COL19A1: variants seen among roughly 807,000 people sequenced by gnomAD.
COL19A1 encodes collagen type XIX alpha 1 chain.
A neutral mutation model predicts 190.2 loss-of-function variants in COL19A1; 159 were observed. That is an observed-to-expected ratio of 0.84 (90% CI 0.73 to 0.95). COL19A1 has a LOEUF of 0.95. Among genes scored for constraint, COL19A1 ranks in the 40% least tolerant of loss-of-function variants. COL19A1 has a pLI of 0.00. For synonymous variants in COL19A1, 509 were observed against 458.9 expected, an observed-to-expected ratio of 1.11 and a Z score of -1.39; for missense variants, 1,418 against 1,431.9, an observed-to-expected ratio of 0.99 and a Z score of 0.16.
chr6:69,999,202 C>T (rs1464665630), intron 11 of COL19A1, among the ~76,000 whole-genome samples: 1 of 149,500 alleles, frequency 6.7e-6, no homozygotes, highest in Non-Finnish European at 1.5e-5. Context: ...GGATTACAGG[C>T]GTGAGCCACC....
chr6:69,948,422 G>A (rs1271333781), intron 9 of COL19A1, among the ~76,000 whole-genome samples: 1 of 151,792 alleles, frequency 6.6e-6, no homozygotes, highest in East Asian at 1.9e-4. Flanking sequence ...GGATCCTTAT[G>A]TATGACAACC....
intron 1 of COL19A1, among the ~76,000 whole-genome samples, chr6:69,874,140 A>G (rs1160841305): frequency 1.3e-5 from 2 of 152,278 alleles, no homozygotes; most frequent in South Asian, 2.1e-4. Flanking sequence ...CAGGGAAGGT[A>G]CCAGAGATGT....
intron 36 of COL19A1, among the ~76,000 whole-genome samples, chr6:70,164,278 A>T (rs1433120484): frequency 2.0e-5 from 3 of 152,126 alleles, no homozygotes; most frequent in Non-Finnish European, 4.4e-5. Flanking sequence ...CCCATTTAAG[A>T]TCTAAACTGG....
Position 70,181,128 on chromosome 6 carries a change from C to G in COL19A1, c.2775+605C>G, listed in dbSNP as rs1018422137. Among the ~76,000 whole-genome samples, 19 of 152,262 alleles carry G rather than the reference C, an allele frequency of 1.2e-4. No individual in the cohort carries two copies. In the East Asian group the frequency reaches 3.7e-3, roughly 29 times the overall value. ...TGTGCTGGGCCCTTAGGGAGGGGATCTAAGATGAATAAGACAGATCTCACT... is the reference window on the plus strand; with the variant it reads ...TGTGCTGGGCCCTTAGGGAGGGGATGTAAGATGAATAAGACAGATCTCACT... On this transcript the variant is annotated intron_variant, in intron 44 of 50. Coordinates refer to ENST00000620364, the MANE Select transcript of COL19A1 (RefSeq NM_001858.6).
chr6:70,067,318 G>T (rs945750826), intron 14 of COL19A1, among the ~76,000 whole-genome samples: 1 of 152,112 alleles, frequency 6.6e-6, no homozygotes, highest in Admixed American at 6.6e-5. Flanking sequence ...AACGTATCTT[G>T]TAGATAAAGC....
chr6:69,959,981 G>T lies in COL19A1; in HGVS notation c.937-15G>T. On this transcript the variant is annotated splice_polypyrimidine_tract_variant and intron_variant, in intron 9 of 50. Transcript: ENST00000620364. The stretch of plus-strand genomic sequence containing the variant: ...CTTTATGGATCATAAACATTATTCT[G>T]TGTACTTCTTTTAGGGTGAAAATGG... The T allele has an allele frequency of 6.2e-7, 1 of 1,611,854 alleles. No individual in the cohort carries two copies. Among genetic ancestry groups the T allele is most frequent in the South Asian group, 1.1e-5 (1 of 90,670 alleles).
At chr6:69,891,063 G>T (rs1350090473) in intron 2 of COL19A1, 2 of 334,130 alleles carry the variant, frequency 6.0e-6, no homozygotes, top group African/African-American at 2.1e-5. Flanking sequence ...GAGTTTGATG[G>T]CCTGAAGGCA....
rs777857460 is a variant in COL19A1 at position 70,130,275 on chromosome 6, G to T, written c.1383+52G>T. 7.3e-5 allele frequency: 108 copies of T among 1,474,998 alleles called. 1 individual carries two copies. The South Asian group carries it at 1.1e-3, about 15-fold the overall frequency. 91.4% of individuals were successfully genotyped at this position (1,474,998 alleles called of 1,614,324 possible). On this transcript the variant is annotated intron_variant, in intron 18 of 50. Transcript: ENST00000620364. ...GAGTCTTGCTCTGTTGCCCAGGCTG[G>T]AGTGCAGTGGCACAATCTTGGCTCA...
intron 44 of COL19A1, among the ~76,000 whole-genome samples, chr6:70,182,768 A>T (rs576542068): frequency 1.7e-4 from 26 of 152,328 alleles, no homozygotes; most frequent in African/African-American, 6.0e-4. Flanking sequence ...GGGAGAGATC[A>T]CCACATGTTA....
At chr6:69,933,794 T>C (rs1244663129) in intron 7 of COL19A1, among the ~76,000 whole-genome samples, 1 of 152,066 alleles carries the variant, frequency 6.6e-6, no homozygotes, top group African/African-American at 2.4e-5. Context: ...TGATAAACTT[T>C]TTTATTCCTA....
intron 15 of COL19A1, among the ~76,000 whole-genome samples, chr6:70,075,799 A>G (rs1781849540): frequency 6.6e-6 from 1 of 152,202 alleles, no homozygotes; most frequent in African/African-American, 2.4e-5. Flanking sequence ...AATTGTAAGC[A>G]ATGATTTTGT....
chr6:70,088,774 T>C (rs1435939336), intron 15 of COL19A1, among the ~76,000 whole-genome samples: 1 of 152,178 alleles, frequency 6.6e-6, no homozygotes, highest in Non-Finnish European at 1.5e-5. Context: ...CTCTTTACTC[T>C]CCAACATCCA....
At chr6:70,143,708 G>A (rs1421666936) in intron 23 of COL19A1, among the ~76,000 whole-genome samples, 1 of 151,752 alleles carries the variant, frequency 6.6e-6, no homozygotes, top group African/African-American at 2.4e-5. Flanking sequence ...CAAGTAATGG[G>A]CCACTGTAGA....
At chr6:70,095,030 C>G (rs1783159248) in intron 15 of COL19A1, among the ~76,000 whole-genome samples, 2 of 152,164 alleles carry the variant, frequency 1.3e-5, no homozygotes, top group South Asian at 4.1e-4. Context: ...AACAGAACAT[C>G]ATCACCCCAA....
chr6:70,040,498 T>G (rs1392104869), intron 14 of COL19A1, among the ~76,000 whole-genome samples: 1 of 152,200 alleles, frequency 6.6e-6, no homozygotes, highest in Non-Finnish European at 1.5e-5. Flanking sequence ...AGAAACCTAT[T>G]AATAAGAAAG....
chr6:70,192,519 T>C (rs774429230), intron 48 of COL19A1, among the ~76,000 whole-genome samples: 11 of 151,938 alleles, frequency 7.2e-5, no homozygotes, highest in Admixed American at 6.6e-4. Flanking sequence ...TTTTTGACCC[T>C]TGAATCAAAC....
At chr6:70,085,065 C>T (rs11963282) in intron 15 of COL19A1, among the ~76,000 whole-genome samples, 162 of 152,242 alleles carry the variant, frequency 1.1e-3, no homozygotes, top group African/African-American at 3.6e-3. Flanking sequence ...CAGGGCCTAT[C>T]ACATGCTAGG....
rs773445505 is a variant in COL19A1 at position 70,121,901 on chromosome 6, A to C, written c.1300A>C (p.Ile434Leu). The change falls in exon 17 of 51, where the codon ATA becomes CTA. Residue 434 changes from isoleucine (I) to leucine (L), a missense_variant. Ile to Leu is a conservative substitution (Grantham distance 5). Coordinates refer to ENST00000620364, the MANE Select transcript of COL19A1 (RefSeq NM_001858.6). The part of the protein sequence containing the change: ...GPPGPPGIQG[I>L]HQTLGGYYNK... The stretch of plus-strand genomic sequence containing the variant: ...ACAGGGACCTCCTGGAATACAAGGA[A>C]TACACCAAACTCTTGGTGGATATTA... 9 of 1,591,596 alleles carry C rather than the reference A, an allele frequency of 5.7e-6. No individual in the cohort carries two copies. The Admixed American group carries it at 1.2e-4, about 22-fold the overall frequency.
intron 11 of COL19A1, among the ~76,000 whole-genome samples, chr6:69,964,864 C>T (rs1420950536): frequency 6.6e-6 from 1 of 152,128 alleles, no homozygotes; most frequent in African/African-American, 2.4e-5. Context: ...AATTACATTA[C>T]ACCAACCAAG....
Sources: allele counts gnomAD v4.1 joint callset (sites outside exome capture counted in the v4.1 genomes callset), GRCh38; gene constraint gnomAD v4.1.1; transcripts MANE v1.5; gene names NCBI Gene and HGNC (gene_info 2026-07-23, HGNC 2026-07-21).